CNOT6L: variants seen among roughly 807,000 people sequenced by gnomAD.
The protein encoded by CNOT6L is CCR4-NOT transcription complex subunit 6 like.
In CNOT6L, 7 loss-of-function variants were observed where a neutral mutation model predicts 64.0. The ratio of observed to expected loss-of-function variants is 0.11; its 90% CI spans 0.06 to 0.21. The LOEUF (loss-of-function observed/expected upper bound fraction) is 0.21. Among genes scored for constraint, CNOT6L ranks in the 10% least tolerant of loss-of-function variants. CNOT6L has a pLI of 1.00. For missense variants in CNOT6L, 245 were observed against 669.0 expected, an observed-to-expected ratio of 0.37 and a Z score of 6.99; for synonymous variants, 193 against 243.4, an observed-to-expected ratio of 0.79 and a Z score of 1.93.
At chr4:77,809,102 T>C (rs1732607872) in intron 1 of CNOT6L, among the ~76,000 whole-genome samples, 1 of 152,146 alleles carries the variant, frequency 6.6e-6, no homozygotes, top group Non-Finnish European at 1.5e-5. Flanking sequence ...AGGAATATTA[T>C]CTCCCTATTA....
chr4:77,762,588 C>G (rs948971954), intron 4 of CNOT6L, among the ~76,000 whole-genome samples: 1 of 152,056 alleles, frequency 6.6e-6, no homozygotes, highest in Admixed American at 6.5e-5. Flanking sequence ...AAATCTAAAA[C>G]TATAAAATTT....
intron 4 of CNOT6L, among the ~76,000 whole-genome samples, chr4:77,769,379 A>G (rs1052931876): frequency 1.2e-4 from 19 of 152,238 alleles, no homozygotes; most frequent in South Asian, 1.2e-3. Context: ...CAACAGGGCT[A>G]TTTTGTCATA....
At chr4:77,754,888 TAAAAAAAAAAAAAAAA>T in intron 5 of CNOT6L, among the ~76,000 whole-genome samples, 1 of 36,956 alleles carries the variant, frequency 2.7e-5, no homozygotes, top group African/African-American at 1.1e-4. Flanking sequence ...ACATTAGAAG[TAAAAAAAAAAAAAAAA>T]AAAAAAAAAC....
At chr4:77,742,378 G>C in intron 7 of CNOT6L, 83 bp from the exon 8 acceptor site, 1 of 1,225,210 alleles carries the variant, frequency 8.2e-7, no homozygotes, top group Non-Finnish European at 1.2e-6. Context: ...TTATGAGTAA[G>C]ATGTAACTTA....
intron 4 of CNOT6L, 41 bp downstream of exon 4, chr4:77,773,040 A>C: frequency 7.4e-7 from 1 of 1,351,634 alleles, no homozygotes; most frequent in Non-Finnish European, 1.0e-6. Context: ...ATGCTCTTTA[A>C]AAGGCTCAGA....
chr4:77,799,072 C>T (rs1560433170), intron 1 of CNOT6L, among the ~76,000 whole-genome samples: 1 of 152,048 alleles, frequency 6.6e-6, no homozygotes, highest in Non-Finnish European at 1.5e-5. Context: ...CATTTGTTCA[C>T]CCAAAGATTA....
chr4:77,801,088 T>C (rs1731486346), intron 1 of CNOT6L, among the ~76,000 whole-genome samples: 1 of 152,130 alleles, frequency 6.6e-6, no homozygotes, highest in Admixed American at 6.5e-5. Context: ...AAATAGTTGA[T>C]TAGAAGGATA....
chr4:77,795,119 A>G (rs979550517), intron 1 of CNOT6L, among the ~76,000 whole-genome samples: 1 of 149,430 alleles, frequency 6.7e-6, no homozygotes, highest in Non-Finnish European at 1.5e-5. Context: ...TCCCAGGTTC[A>G]AGTGATTCTT....
At position 77,729,046 on chromosome 4, in the gene CNOT6L, G is replaced by A. The variant is rs201744018; in HGVS notation, c.1060C>T (p.Leu354Phe). The part of the protein sequence containing the change: ...KPIHAADKQL[L>F]IVANAHMHWD... The stretch of plus-strand genomic sequence containing the variant: ...TGCATGTGGGCATTTGCCACTATAA[G>A]CAGCTGTTTGTCTGCAGCATGAATA... Residue 354 changes from leucine to phenylalanine, a missense_variant, in exon 10 of 12, where the codon CTT (leucine) becomes TTT (phenylalanine). Leu to Phe is a conservative substitution (Grantham distance 22). This residue lies in a region of CNOT6L where 94 missense variants were observed against 290.9 expected (regional missense o/e 0.32). Coordinates refer to ENST00000504123, the MANE Select transcript of CNOT6L (RefSeq NM_144571.3). 7.2e-5 allele frequency: 116 copies of A among 1,613,238 alleles called. No homozygotes were observed. The highest frequency in any genetic ancestry group is 3.5e-5 in the Non-Finnish European group (41 of 1,179,460).
rs116356320 is a variant in CNOT6L at position 77,729,810 on chromosome 4, T to A, written c.1025-729A>T. Among the ~76,000 whole-genome samples, 589 of 152,190 alleles carry A rather than the reference T, an allele frequency of 3.9e-3. 7 individuals carry two copies. The highest frequency in any genetic ancestry group is 0.014 in the African/African-American group (571 of 41,562). Reference sequence around the variant, plus strand: ...TCTGTTAAAATAAACATTAACATAGTACTTTCCAAATGGTAGATGGAATAC... The same window carrying A: ...TCTGTTAAAATAAACATTAACATAGAACTTTCCAAATGGTAGATGGAATAC... On this transcript the variant is annotated intron_variant, in intron 9 of 11. Coordinates refer to ENST00000504123, the MANE Select transcript of CNOT6L (RefSeq NM_144571.3).
chr4:77,789,555 C>A (rs992724088), intron 1 of CNOT6L, among the ~76,000 whole-genome samples: 2 of 149,990 alleles, frequency 1.3e-5, no homozygotes, highest in African/African-American at 4.9e-5. Flanking sequence ...TGCCTGTAGT[C>A]CCGGCTACTC....
chr4:77,775,251 T>C (rs551077698), intron 2 of CNOT6L, among the ~76,000 whole-genome samples: 2 of 152,320 alleles, frequency 1.3e-5, no homozygotes, highest in East Asian at 1.9e-4. Flanking sequence ...CAATCATCCA[T>C]CCACCCAGTT....
chr4:77,741,136 G>C (rs1231278718), intron 8 of CNOT6L, among the ~76,000 whole-genome samples: 1 of 152,140 alleles, frequency 6.6e-6, no homozygotes, highest in African/African-American at 2.4e-5. Flanking sequence ...AGTATATTCT[G>C]ACCTCAAATA....
chr4:77,812,549 C>T (rs1379535490), intron 1 of CNOT6L, among the ~76,000 whole-genome samples: 2 of 148,088 alleles, frequency 1.4e-5, no homozygotes, highest in Non-Finnish European at 3.0e-5. Flanking sequence ...CATGCAAAAA[C>T]CCCCCAAATT....
chr4:77,721,978 T>G (rs1293527641), intron 11 of CNOT6L, among the ~76,000 whole-genome samples: 6 of 140,606 alleles, frequency 4.3e-5, no homozygotes, highest in African/African-American at 1.6e-4. Context: ...AAAATAATAA[T>G]AAAAGAAAAG....
rs561945377 is a variant in CNOT6L, at chr4:77,788,389, G to A, written c.6-11997C>T. 2.9e-3 allele frequency among the ~76,000 whole-genome samples: 443 copies of A among 152,240 alleles called. 2 individuals carry two copies. Among genetic ancestry groups the A allele is most frequent in the African/African-American group, 0.01 (417 of 41,544 alleles). ...AGGTTAACAGTTTTAAACATGCTAA[G>A]AGATTACATAATACCTTTTTAAATG... On this transcript the variant is annotated intron_variant, in intron 1 of 11. Coordinates refer to ENST00000504123, the MANE Select transcript of CNOT6L (RefSeq NM_144571.3).
At chr4:77,782,355 C>G (rs1474337686) in intron 1 of CNOT6L, among the ~76,000 whole-genome samples, 3 of 152,002 alleles carry the variant, frequency 2.0e-5, no homozygotes, top group African/African-American at 4.8e-5. Flanking sequence ...TGTTTTTAGA[C>G]AAGGTCTCAC....
At chr4:77,741,375 G>A (rs1188879124) in intron 8 of CNOT6L, among the ~76,000 whole-genome samples, 1 of 152,138 alleles carries the variant, frequency 6.6e-6, no homozygotes, top group African/African-American at 2.4e-5. Flanking sequence ...CTGGAAAACA[G>A]CTGTAAGCAT....
chr4:77,784,443 G>A (rs1476629108), intron 1 of CNOT6L, among the ~76,000 whole-genome samples: 1 of 151,598 alleles, frequency 6.6e-6, no homozygotes, highest in Non-Finnish European at 1.5e-5. Flanking sequence ...CAATTACAAT[G>A]CTTTAATGCC....
Sources: allele counts gnomAD v4.1 joint callset (sites outside exome capture counted in the v4.1 genomes callset), GRCh38; gene constraint gnomAD v4.1.1; regional missense constraint gnomAD v4.1.1; transcripts MANE v1.5; gene names NCBI Gene and HGNC (gene_info 2026-07-23, HGNC 2026-07-21).